Variants in CCDC178 observed in about 807,000 individuals in gnomAD.
The protein encoded by CCDC178 is coiled-coil domain containing 178.
CCDC178 carries 126 observed loss-of-function variants against 117.4 expected under a neutral mutation model. The ratio of observed to expected loss-of-function variants is 1.07; its 90% CI spans 0.93 to 1.24. The LOEUF is 1.24. CCDC178 is among the 50% of genes most tolerant of loss of function. The pLI is 0.00. For missense variants in CCDC178, 1,030 were observed against 986.9 expected (o/e 1.04, Z -0.59); for synonymous variants, 283 against 313.4 (o/e 0.90, Z 1.02).
intron 14 of CCDC178, among the ~76,000 whole-genome samples, chr18:33,252,311 G>A (rs576330658): frequency 5.9e-5 from 9 of 151,684 alleles, no homozygotes; most frequent in African/African-American, 2.2e-4. Context: ...CCTCTGCAGA[G>A]GTAGAAAGTA....
chr18:33,323,683 AAAT>A (rs1435272835), intron 10 of CCDC178, 50 bp from the exon 11 acceptor site: 1 of 1,143,818 alleles, frequency 8.7e-7, no homozygotes, highest in Non-Finnish European at 1.2e-6. Context: ...GGTTAATTAA[AAAT>A]AATAACTTCA....
At chr18:33,062,401 G>A (rs1049322227) in intron 21 of CCDC178, among the ~76,000 whole-genome samples, 1 of 152,134 alleles carries the variant, frequency 6.6e-6, no homozygotes, top group Admixed American at 6.6e-5. Context: ...ACCAAACAGC[G>A]AACAGGTAAC....
intron 11 of CCDC178, among the ~76,000 whole-genome samples, chr18:33,301,435 G>A (rs962143486): frequency 2.6e-5 from 4 of 152,230 alleles, no homozygotes; most frequent in Non-Finnish European, 5.9e-5. Flanking sequence ...GTCCAGTGGA[G>A]CTGTGGGAAG....
In CCDC178 at chr18:33,268,325, T is replaced by C. The variant is rs1395095367; in HGVS notation, c.1177-1028A>G. On this transcript the variant is annotated intron_variant, in intron 12 of 22. Transcript: ENST00000383096. ...AAAAATTAAAGGCCAGAAATAAATC[T>C]GAATCAATATTTTCAGAAAATGATA... Among the ~76,000 whole-genome samples, 3 of 152,014 alleles carry C rather than the reference T, an allele frequency of 2.0e-5. No individual in the cohort carries two copies. In the East Asian group the frequency reaches 5.8e-4, roughly 29 times the overall value.
At chr18:33,341,785 C>A (rs1462243579) in intron 9 of CCDC178, among the ~76,000 whole-genome samples, 2 of 152,158 alleles carry the variant, frequency 1.3e-5, no homozygotes, top group Non-Finnish European at 2.9e-5. Context: ...CCCAATTAAA[C>A]CTCTTTTTCT....
chr18:33,337,753 T>G (rs2144647374), intron 9 of CCDC178, among the ~76,000 whole-genome samples: 1 of 152,194 alleles, frequency 6.6e-6, no homozygotes, highest in East Asian at 1.9e-4. Flanking sequence ...TATACAAAAA[T>G]CAACTCAAAA....
At chr18:33,040,140 G>A (rs2056521117) in intron 21 of CCDC178, among the ~76,000 whole-genome samples, 1 of 151,768 alleles carries the variant, frequency 6.6e-6, no homozygotes, top group Non-Finnish European at 1.5e-5. Flanking sequence ...ACTCAACATA[G>A]AAAAGAATAA....
rs1434676290 is a variant in CCDC178 at position 33,293,263 on chromosome 18, C to A, written c.1072G>T (p.Val358Leu). 3.9e-6 allele frequency: 6 copies of A among 1,551,754 alleles called. No homozygotes were observed. The highest frequency in any genetic ancestry group is 5.3e-6 in the Non-Finnish European group (6 of 1,126,416). ...TCAATATTAGTATTAACATTTATCA[C>A]TGATGAAGAGTAATGATCAAATAGA... The part of the protein sequence containing the change: ...NSLFDHYSSS[V>L]INVNTNIEEK... Residue 358 changes from valine to leucine, a missense_variant, in exon 12 of 23, where the codon GTG (valine) becomes TTG (leucine). By Grantham distance (32) the Val-to-Leu change is conservative. Transcript: ENST00000383096.
At chr18:33,408,118 C>G (rs1014810319) in intron 3 of CCDC178, among the ~76,000 whole-genome samples, 1 of 151,154 alleles carries the variant, frequency 6.6e-6, no homozygotes, top group Non-Finnish European at 1.5e-5. Flanking sequence ...GTATGCAAGT[C>G]ATTAAATTTA....
intron 7 of CCDC178, among the ~76,000 whole-genome samples, chr18:33,350,192 A>G (rs1345734772): frequency 6.6e-6 from 1 of 152,080 alleles, no homozygotes; most frequent in East Asian, 1.9e-4. Context: ...GTAAATTATT[A>G]TACATAATTA....
At chr18:33,098,911 G>A (rs2057583759) in intron 20 of CCDC178, among the ~76,000 whole-genome samples, 2 of 151,900 alleles carry the variant, frequency 1.3e-5, no homozygotes, top group Non-Finnish European at 2.9e-5. Context: ...TTCTATTCCA[G>A]TTACAGTGGA....
intron 2 of CCDC178, among the ~76,000 whole-genome samples, chr18:33,435,818 A>C (rs2064281689): frequency 7.0e-6 from 1 of 142,290 alleles, no homozygotes; most frequent in African/African-American, 2.5e-5. Flanking sequence ...ATGCAGTAAC[A>C]GAGAAAGAGG....
intron 20 of CCDC178, among the ~76,000 whole-genome samples, chr18:33,135,460 T>C (rs376289818): frequency 6.6e-5 from 10 of 152,144 alleles, no homozygotes; most frequent in African/African-American, 2.2e-4. Flanking sequence ...TAGCACTAGA[T>C]GTAAAAAAGA....
chr18:33,014,196 C>T (rs139574240), intron 21 of CCDC178, among the ~76,000 whole-genome samples: 1 of 152,298 alleles, frequency 6.6e-6, no homozygotes, highest in African/African-American at 2.4e-5. Flanking sequence ...CAGGATGCAG[C>T]GGAATGAGTG....
intron 21 of CCDC178, among the ~76,000 whole-genome samples, chr18:33,016,704 T>C (rs922503278): frequency 2.6e-5 from 4 of 151,978 alleles, no homozygotes; most frequent in Non-Finnish European, 5.9e-5. Context: ...TAGATTGTTA[T>C]AAGCAAAGAT....
At chr18:33,162,299 T>C (rs1262959522) in intron 20 of CCDC178, among the ~76,000 whole-genome samples, 3 of 152,182 alleles carry the variant, frequency 2.0e-5, no homozygotes, top group Non-Finnish European at 4.4e-5. Context: ...AACCTGCACG[T>C]TGTGCACATG....
chr18:33,351,457 T>C (rs2062979439), intron 7 of CCDC178, among the ~76,000 whole-genome samples: 1 of 152,178 alleles, frequency 6.6e-6, no homozygotes, highest in African/African-American at 2.4e-5. Flanking sequence ...CCTCCCAAAG[T>C]GCTGGGATTA....
intron 11 of CCDC178, among the ~76,000 whole-genome samples, chr18:33,305,485 C>T: frequency 6.6e-6 from 1 of 151,952 alleles, no homozygotes; most frequent in East Asian, 1.9e-4. Context: ...GAAGGAGGGA[C>T]CAGTGTTTTA....
At chr18:33,229,766 G>T (rs1003038383) in intron 15 of CCDC178, among the ~76,000 whole-genome samples, 7 of 152,106 alleles carry the variant, frequency 4.6e-5, no homozygotes, top group Non-Finnish European at 7.4e-5. Context: ...AGGCAAATGG[G>T]ACACCTCTTT....
Sources: allele counts gnomAD v4.1 joint callset (sites outside exome capture counted in the v4.1 genomes callset), GRCh38; gene constraint gnomAD v4.1.1; transcripts MANE v1.5; gene names NCBI Gene and HGNC (gene_info 2026-07-23, HGNC 2026-07-21).